Variants in GPC6 observed in about 807,000 individuals in gnomAD.
GPC6 encodes the protein glypican 6, also known as glypican-6.
A neutral mutation model predicts 55.2 loss-of-function variants in GPC6; 14 were observed. That is an observed-to-expected ratio of 0.25 (90% confidence interval 0.17 to 0.40). The LOEUF is 0.40. Ranked by LOEUF, GPC6 falls within the 10% of genes least tolerant of loss-of-function variation. The pLI is 1.00. For missense variants in GPC6, 641 were observed against 708.5 expected (o/e 0.90, Z 1.08); for synonymous variants, 278 against 259.6 (o/e 1.07, Z -0.68).
At chr13:93,646,617 G>A (rs954723002) in intron 2 of GPC6, among the ~76,000 whole-genome samples, 9 of 151,888 alleles carry the variant, frequency 5.9e-5, no homozygotes, top group South Asian at 2.1e-4. Context: ...ATTTCAATCC[G>A]GTAGTCCTTG....
chr13:94,102,138 G>A (rs1885887141), intron 4 of GPC6, among the ~76,000 whole-genome samples: 1 of 151,858 alleles, frequency 6.6e-6, no homozygotes, highest in South Asian at 2.1e-4. Flanking sequence ...ATATGAACTG[G>A]CAGCAGGGAA....
At chr13:94,313,784 C>T (rs1361321349) in intron 6 of GPC6, among the ~76,000 whole-genome samples, 3 of 152,172 alleles carry the variant, frequency 2.0e-5, no homozygotes, top group African/African-American at 7.2e-5. Flanking sequence ...CCTTTATCCT[C>T]AGAAACACTT....
intron 1 of GPC6, among the ~76,000 whole-genome samples, chr13:93,544,959 T>C (rs887188570): frequency 3.9e-5 from 6 of 152,180 alleles, no homozygotes; most frequent in African/African-American, 1.4e-4. Flanking sequence ...TTGTATCACC[T>C]GATGTTTACT....
chr13:93,727,512 T>C (rs897120937), intron 2 of GPC6, among the ~76,000 whole-genome samples: 4 of 152,152 alleles, frequency 2.6e-5, no homozygotes, highest in Admixed American at 2.6e-4. Flanking sequence ...GTTTATGTTT[T>C]ATAAACAGCC....
intron 4 of GPC6, among the ~76,000 whole-genome samples, chr13:94,049,705 A>G (rs571474714): frequency 9.2e-5 from 14 of 152,202 alleles, no homozygotes; most frequent in Admixed American, 8.5e-4. Flanking sequence ...TAAAATTTTC[A>G]TCATCCTCCC....
At chr13:94,086,039 C>CT (rs902572554) in intron 4 of GPC6, among the ~76,000 whole-genome samples, 20 of 151,962 alleles carry the variant, frequency 1.3e-4, no homozygotes, top group African/African-American at 4.6e-4. Context: ...CTCTTTTTTT[C>CT]TTTTTTTCTT....
intron 4 of GPC6, among the ~76,000 whole-genome samples, chr13:94,183,360 A>G (rs1372140480): frequency 6.6e-6 from 1 of 152,202 alleles, no homozygotes; most frequent in Non-Finnish European, 1.5e-5. Flanking sequence ...CTCAAGGTCT[A>G]TCCATGTCAT....
chr13:94,370,128 C>G (rs1009345863), intron 6 of GPC6, among the ~76,000 whole-genome samples: 1 of 152,202 alleles, frequency 6.6e-6, no homozygotes, highest in Non-Finnish European at 1.5e-5. Context: ...TCTACATGGA[C>G]AAAATCATCC....
chr13:94,389,443 G>A (rs1163745542), intron 7 of GPC6, among the ~76,000 whole-genome samples: 5 of 152,144 alleles, frequency 3.3e-5, no homozygotes, highest in Non-Finnish European at 7.4e-5. Flanking sequence ...AGCATATACA[G>A]GTTAGAACTT....
At chr13:93,616,009 A>G (rs1314394908) in intron 2 of GPC6, among the ~76,000 whole-genome samples, 1 of 152,246 alleles carries the variant, frequency 6.6e-6, no homozygotes, top group Non-Finnish European at 1.5e-5. Flanking sequence ...GTATTTGAAG[A>G]AGGATTCTCT....
rs9561344 is a variant in GPC6, at chr13:93,418,630, G to A, written c.161-126633G>A. 1.6e-3 allele frequency among the ~76,000 whole-genome samples: 238 copies of A among 144,254 alleles called. 2 individuals carry two copies. The East Asian group carries it at 0.046, about 28-fold the overall frequency. 94.6% of individuals were successfully genotyped at this position (144,254 alleles called of 152,430 possible). A position where few individuals can be genotyped will look rare whatever the true frequency, so the allele number is the denominator to read the frequency against. On this transcript the variant is annotated intron_variant, in intron 1 of 8. Coordinates refer to ENST00000377047, the MANE Select transcript of GPC6 (RefSeq NM_005708.5). ...ACCGTAGTATCATTTTATTAATAGC[G>A]CTATACCGTAGTATCATTTTATTAA...
chr13:93,951,361 A>G (rs558919820), intron 3 of GPC6, among the ~76,000 whole-genome samples: 2 of 152,240 alleles, frequency 1.3e-5, no homozygotes, highest in South Asian at 4.2e-4. Context: ...CCTCTAGAGC[A>G]GGTCTGTGGC....
chr13:93,652,399 G>A lies in GPC6; in HGVS notation c.319+106978G>A, dbSNP rs141675228. Among the ~76,000 whole-genome samples the A allele has an allele frequency of 1.9e-3, 288 of 152,136 alleles. 1 individual carries two copies. The highest frequency in any genetic ancestry group is 6.7e-3 in the African/African-American group (279 of 41,494). On this transcript the variant is annotated intron_variant, in intron 2 of 8. Transcript: ENST00000377047. ...ACTCTGCCCCCTGCCCTGTCAACAT[G>A]CACCCATAATTATATGTGCATTAAC...
chr13:93,389,887 T>A (rs545227300), intron 1 of GPC6, among the ~76,000 whole-genome samples: 2 of 152,080 alleles, frequency 1.3e-5, no homozygotes, highest in African/African-American at 4.8e-5. Context: ...AAAATAAGAG[T>A]CTGCACATGA....
At chr13:94,221,492 G>T (rs999855006) in intron 4 of GPC6, among the ~76,000 whole-genome samples, 1 of 152,068 alleles carries the variant, frequency 6.6e-6, no homozygotes, top group Non-Finnish European at 1.5e-5. Context: ...AAAATGCTTA[G>T]ACCTCATATG....
intron 3 of GPC6, among the ~76,000 whole-genome samples, chr13:93,947,495 A>G (rs952208574): frequency 3.3e-5 from 5 of 152,222 alleles, no homozygotes; most frequent in East Asian, 1.9e-4. Context: ...TAGATACGCA[A>G]TATGCAACAT....
chr13:93,791,415 G>A (rs1044993461), intron 2 of GPC6, among the ~76,000 whole-genome samples: 1 of 152,110 alleles, frequency 6.6e-6, no homozygotes, highest in African/African-American at 2.4e-5. Flanking sequence ...AATTGAAATA[G>A]TATGTAGGCC....
At chr13:93,725,145 T>C (rs111699532) in intron 2 of GPC6, among the ~76,000 whole-genome samples, 1,783 of 152,074 alleles carry the variant, frequency 0.012, 35 homozygotes, top group African/African-American at 0.04. Context: ...CCTTGAAGAG[T>C]AGAATCAAAA....
chr13:93,721,747 C>G (rs16949141), intron 2 of GPC6, among the ~76,000 whole-genome samples: 22,828 of 151,514 alleles, frequency 0.15, 3,036 homozygotes, highest in African/African-American at 0.33. Context: ...TCTGTGGTAT[C>G]GAGAGATAAT....
Sources: gnomAD v4.1 joint callset for allele counts (sites outside exome capture counted in the v4.1 genomes callset) on GRCh38, gnomAD v4.1.1 for gene constraint, MANE v1.5 for transcripts, NCBI Gene and HGNC (gene_info 2026-07-23, HGNC 2026-07-21) for gene names.